Variants in IFNG observed in about 807,000 individuals in gnomAD.
IFNG encodes the protein IFN-gamma.
In IFNG, 8 loss-of-function variants were observed where a neutral mutation model predicts 14.4. That is an observed-to-expected ratio of 0.56 (90% CI 0.33 to 1.00). IFNG has a LOEUF of 1.00. Among genes scored for constraint, IFNG ranks in the 50% least tolerant of loss-of-function variants. The pLI, the probability that IFNG is intolerant of heterozygous loss-of-function variation, is 0.03. For synonymous variants in IFNG, 73 were observed against 65.4 expected, an observed-to-expected ratio of 1.12 and a Z score of -0.56; for missense variants, 132 against 194.9, an observed-to-expected ratio of 0.68 and a Z score of 1.92.
chr12:68,159,394 C>T, intron 1 of IFNG, 108 bp downstream of exon 1: 1 of 583,084 alleles, frequency 1.7e-6, no homozygotes. Flanking sequence ...AACACCAAAT[C>T]TCAAAATGAC....
At position 68,157,906 on chromosome 12, in the gene IFNG, G is replaced by A; in HGVS notation, c.366+7C>T. On this transcript the variant is annotated splice_region_variant and intron_variant, in intron 3 of 3. Transcript: ENST00000229135. ...TGAAACCAAAGAAAGAATTTAAATA[G>A]CCTCACCGAATAATTAGTCAGCTTT... 6.3e-7 allele frequency: 1 copy of A among 1,580,296 alleles called. No homozygotes were observed.
At position 68,155,179 on chromosome 12, in the gene IFNG, A is replaced by G; in HGVS notation, c.*174T>C. The stretch of plus-strand genomic sequence containing the variant: ...ATTAAGTGAGACAGTCACAGGATAT[A>G]GGAATTATAAATAATACATATATTA... On this transcript the variant is annotated 3_prime_UTR_variant, in exon 4 of 4. Transcript: ENST00000229135. 1 of 414,482 alleles carries G rather than the reference A, an allele frequency of 2.4e-6. No individual in the cohort carries two copies. Among genetic ancestry groups the G allele is most frequent in the South Asian group, 5.2e-5 (1 of 19,084 alleles). 25.7% of individuals were successfully genotyped at this position (414,482 alleles called of 1,614,324 possible).
rs1420760098 is a variant in IFNG, at chr12:68,159,502, A to G, written c.114T>C (p.Phe38=). 4 of 1,507,560 alleles carry G rather than the reference A, an allele frequency of 2.7e-6. No individual in the cohort carries two copies. The South Asian group carries it at 4.6e-5, about 18-fold the overall frequency. 93.4% of individuals were successfully genotyped at this position (1,507,560 alleles called of 1,614,324 possible). ...AGTACTATTAAAAAGTCATACTTAC[A>G]AAATATTTCTTAAGGTTTTCTGCTT... ...VKEAENLKKY[F]NAGHSDVADN... is the part of the protein sequence containing the mutation. The change falls in exon 1 of 4, where the codon TTT becomes TTC. Residue 38 remains phenylalanine (F), a splice_region_variant and synonymous_variant. Coordinates refer to ENST00000229135, the MANE Select transcript of IFNG (RefSeq NM_000619.3).
Position 68,157,994 on chromosome 12 carries a change from G to T in IFNG, c.285C>A (p.Thr95=), listed in dbSNP as rs142375196. The change falls in exon 3 of 4, where the codon ACC becomes ACA. Residue 95 remains threonine, a synonymous_variant. Coordinates refer to ENST00000229135, the MANE Select transcript of IFNG (RefSeq NM_000619.3). ...DDQSIQKSVE[T]IKEDMNVKFF... is the part of the protein sequence containing the mutation. ...ACTTGACATTCATGTCTTCCTTGAT[G>T]GTCTCCACACTCTTTTGGATGCTCT... 6.2e-7 allele frequency: 1 copy of T among 1,609,522 alleles called. No individual in the cohort carries two copies. Among genetic ancestry groups the T allele is most frequent in the Non-Finnish European group, 8.5e-7 (1 of 1,177,026 alleles).
In IFNG at chr12:68,159,495, T is replaced by C. The variant is rs1882654200; in HGVS notation, c.114+7A>G. ...ACAAACAAGTACTATTAAAAAGTCA[T>C]ACTTACAAAATATTTCTTAAGGTTT... On this transcript the variant is annotated splice_region_variant and intron_variant, in intron 1 of 3. Transcript: ENST00000229135. 1 of 1,413,976 alleles carries C rather than the reference T, an allele frequency of 7.1e-7. No homozygotes were observed. The highest frequency in any genetic ancestry group is 9.9e-7 in the Non-Finnish European group (1 of 1,008,026). The allele number at this position is 1,413,976 out of a possible 1,614,324, so 87.6% of individuals were successfully genotyped here.
chr12:68,155,667 T>C (rs1882590182), intron 3 of IFNG, among the ~76,000 whole-genome samples, 180 bp from the exon 4 acceptor site: 1 of 152,228 alleles, frequency 6.6e-6, no homozygotes, highest in South Asian at 2.1e-4. Context: ...ACATTTCTAG[T>C]TGTGCTATAA....
At chr12:68,156,323 T>C (rs1882600671) in intron 3 of IFNG, among the ~76,000 whole-genome samples, 1 of 152,200 alleles carries the variant, frequency 6.6e-6, no homozygotes, top group South Asian at 2.1e-4. Flanking sequence ...GGCAAGCAAA[T>C]TGAACTACTT....
chr12:68,157,915 A>G lies in IFNG; in HGVS notation c.364T>C (p.Ser122Pro). 6.3e-7 allele frequency: 1 copy of G among 1,591,242 alleles called. No individual in the cohort carries two copies. The highest frequency in any genetic ancestry group is 8.6e-7 in the Non-Finnish European group (1 of 1,167,342). Residue 122 changes from serine (S) to proline (P), a missense_variant and splice_region_variant, in exon 3 of 4, where the codon TCG (serine) becomes CCG (proline). Physicochemically the swap from Ser to Pro is moderately conservative, Grantham distance 74. Coordinates refer to ENST00000229135, the MANE Select transcript of IFNG (RefSeq NM_000619.3). ...AGAAAGAATTTAAATAGCCTCACCG[A>G]ATAATTAGTCAGCTTTTCGAAGTCA... ...RDDFEKLTNY[S>P]VTDLNVQRKA...
intron 3 of IFNG, among the ~76,000 whole-genome samples, chr12:68,156,372 T>G (rs1882601421): frequency 6.6e-6 from 1 of 152,206 alleles, no homozygotes; most frequent in Non-Finnish European, 1.5e-5. Context: ...ATTTAGATGA[T>G]GCTTCATAAA....
At chr12:68,158,479 A>G (rs908833193) in intron 1 of IFNG, among the ~76,000 whole-genome samples, 2 of 152,194 alleles carry the variant, frequency 1.3e-5, no homozygotes, top group Non-Finnish European at 2.9e-5. Context: ...TATAACCATT[A>G]AATTGCAATG....
intron 3 of IFNG, among the ~76,000 whole-genome samples, chr12:68,155,923 A>C (rs975003846): frequency 1.3e-5 from 2 of 152,306 alleles, no homozygotes; most frequent in Middle Eastern, 3.4e-3. Context: ...TTTATACTTC[A>C]GTCTTTCCTG....
chr12:68,155,547 C>A, intron 3 of IFNG, 60 bp from the exon 4 acceptor site: 1 of 1,489,188 alleles, frequency 6.7e-7, no homozygotes. Context: ...GGATATTCTG[C>A]TAATGTCATG....
chr12:68,158,383 T>C, intron 1 of IFNG, 124 bp from the exon 2 acceptor site: 1 of 659,140 alleles, frequency 1.5e-6, no homozygotes. Flanking sequence ...ACTCTTCTGC[T>C]TAGTTCTAAC....
intron 1 of IFNG, 84 bp downstream of exon 1, chr12:68,159,418 T>A (rs1882652669): frequency 4.6e-6 from 3 of 656,892 alleles, no homozygotes; most frequent in Non-Finnish European, 8.3e-6. Flanking sequence ...CTACAAGAGA[T>A]GACAGCCTAT....
In IFNG at chr12:68,155,374, T is replaced by A. The variant is rs1882584735; in HGVS notation, c.480A>T (p.Arg160=). 1.2e-6 allele frequency: 2 copies of A among 1,609,998 alleles called. No individual in the cohort carries two copies. The highest frequency in any genetic ancestry group is 1.7e-6 in the Non-Finnish European group (2 of 1,177,730). Residue 160 remains arginine (R), a synonymous_variant, in exon 4 of 4, where the codon CGA becomes CGT. Coordinates refer to ENST00000229135, the MANE Select transcript of IFNG (RefSeq NM_000619.3). ...GKRKRSQMLF[R]GRRASQ is the part of the protein sequence containing the mutation. ...ACCATTACTGGGATGCTCTTCGACC[T>A]CGAAACAGCATCTGACTCCTTTTTC...
At position 68,155,427 on chromosome 12, in the gene IFNG, G is replaced by T. The variant is rs371125972; in HGVS notation, c.427C>A (p.Leu143Met). ...IHELIQVMAE[L>M]SPAAKTGKRK... Reference sequence around the variant, plus strand: ...TTCCCTGTTTTAGCTGCTGGCGACAGTTCAGCCATCACTTGGATGAGTTCA... The same window carrying T: ...TTCCCTGTTTTAGCTGCTGGCGACATTTCAGCCATCACTTGGATGAGTTCA... The change falls in exon 4 of 4, where the codon CTG becomes ATG. Residue 143 changes from leucine (L) to methionine (M), a missense_variant. Leu to Met is a conservative substitution (Grantham distance 15, BLOSUM62 2). Transcript: ENST00000229135. 1.2e-6 allele frequency: 2 copies of T among 1,612,362 alleles called. No individual in the cohort carries two copies. Among genetic ancestry groups the T allele is most frequent in the Non-Finnish European group, 1.7e-6 (2 of 1,179,008 alleles).
chr12:68,159,339 A>G (rs1458536974), intron 1 of IFNG, among the ~76,000 whole-genome samples, 163 bp downstream of exon 1: 1 of 152,228 alleles, frequency 6.6e-6, no homozygotes, highest in Non-Finnish European at 1.5e-5. Context: ...AACAATATCT[A>G]GATTATTTAG....
At position 68,159,576 on chromosome 12, in the gene IFNG, T is replaced by C. The variant is rs745621454; in HGVS notation, c.40A>G (p.Ile14Val). Residue 14 changes from isoleucine (I) to valine (V), a missense_variant, in exon 1 of 4, where the codon ATC becomes GTC. Coordinates refer to ENST00000229135, the MANE Select transcript of IFNG (RefSeq NM_000619.3). ...TAACAGCCAAGAGAACCCAAAACGA[T>C]GCAGAGCTGAAAAGCCAAGATATAA... ...TSYILAFQLCIVLGSLGCYCQ... is the reference protein window; with the variant it reads ...TSYILAFQLCVVLGSLGCYCQ... The C allele has an allele frequency of 1.9e-5, 31 of 1,605,812 alleles. No homozygotes were observed. Among genetic ancestry groups the C allele is most frequent in the South Asian group, 8.9e-5 (8 of 90,256 alleles).
chr12:68,159,508 T>C lies in IFNG; in HGVS notation c.108A>G (p.Lys36=), dbSNP rs765636767. Residue 36 remains lysine, a synonymous_variant, in exon 1 of 4, where the codon AAA becomes AAG. Coordinates refer to ENST00000229135, the MANE Select transcript of IFNG (RefSeq NM_000619.3). ...PYVKEAENLK[K]YFNAGHSDVA... ...ATTAAAAAGTCATACTTACAAAATA[T>C]TTCTTAAGGTTTTCTGCTTCTTTTA... 3.3e-6 allele frequency: 5 copies of C among 1,537,288 alleles called. No homozygotes were observed. Among genetic ancestry groups the C allele is most frequent in the East Asian group, 2.3e-5 (1 of 44,402 alleles).
Sources: allele counts gnomAD v4.1 joint callset (sites outside exome capture counted in the v4.1 genomes callset), GRCh38; gene constraint gnomAD v4.1.1; transcripts MANE v1.5; gene names NCBI Gene and HGNC (gene_info 2026-07-23, HGNC 2026-07-21).